PCDH11X: variants seen among roughly 807,000 people sequenced by gnomAD.
PCDH11X encodes protocadherin-11 X-linked.
A neutral mutation model predicts 53.3 loss-of-function variants in PCDH11X; 18 were observed. The observed-to-expected ratio is 0.34, with a 90% confidence interval of 0.23 to 0.50. The LOEUF (loss-of-function observed/expected upper bound fraction) is 0.50, where lower values mean the gene tolerates loss of function less well. Ranked by LOEUF, PCDH11X falls within the 20% of genes least tolerant of loss-of-function variation. PCDH11X has a pLI of 0.98. For synonymous variants in PCDH11X, 279 were observed against 393.3 expected (o/e 0.71, Z 3.44); for missense variants, 570 against 1,032.4 (o/e 0.55, Z 6.14).
chrX:92,024,282 A>C (rs2062933431), intron 6 of PCDH11X, among the ~76,000 whole-genome samples: 1 of 111,026 alleles, frequency 9.0e-6, no homozygotes, highest in African/African-American at 3.3e-5. Context: ...CTCAGCCCAA[A>C]AACTACTTAA....
intron 10 of PCDH11X, among the ~76,000 whole-genome samples, chrX:92,540,444 G>A (rs1308317732): frequency 9.4e-6 from 1 of 106,592 alleles, no homozygotes; most frequent in African/African-American, 3.5e-5. Flanking sequence ...ACTATGACAC[G>A]CCTTTCAAGG....
chrX:92,304,098 G>A (rs2068777411), intron 8 of PCDH11X, among the ~76,000 whole-genome samples: 2 of 106,213 alleles, frequency 1.9e-5, no homozygotes, highest in African/African-American at 6.9e-5. Flanking sequence ...TTTAGGTTAT[G>A]TCTCCCAAGG....
At position 92,088,684 on chromosome X, in the gene PCDH11X, C is replaced by T. The variant is rs768880420; in HGVS notation, c.3034-112691C>T. On this transcript the variant is annotated intron_variant, in intron 6 of 10. Transcript: ENST00000682573. Reference sequence around the variant, plus strand: ...ATAGGGATCTCCCTACTGTAAAGTACGTTTCTTTCTATGGAATGAATATAA... The same window carrying T: ...ATAGGGATCTCCCTACTGTAAAGTATGTTTCTTTCTATGGAATGAATATAA... 3.6e-5 allele frequency among the ~76,000 whole-genome samples: 4 copies of T among 111,738 alleles called. No individual in the cohort carries two copies. The South Asian group carries it at 1.1e-3, about 31-fold the overall frequency.
intron 6 of PCDH11X, among the ~76,000 whole-genome samples, chrX:91,886,948 G>T (rs1940244037): frequency 1.0e-5 from 1 of 96,959 alleles, no homozygotes; most frequent in South Asian, 5.1e-4. Context: ...TCCAGCCTGG[G>T]CGACAGAGCT....
In PCDH11X at chrX:91,835,768, C is replaced by T. The variant is rs769764723; in HGVS notation, c.264C>T (p.Gly88=). Residue 88 remains glycine, a synonymous_variant, in exon 5 of 11, where the codon GGC becomes GGT. Transcript: ENST00000682573. ...EEDTGEIFTT[G]ARIDREKLCA... The stretch of plus-strand genomic sequence containing the variant: ...ATACTGGTGAGATCTTCACTACTGG[C>T]GCTCGCATTGATCGTGAGAAATTAT... The T allele has an allele frequency of 3.9e-5, 47 of 1,209,254 alleles. No individual in the cohort carries two copies. The highest frequency in any genetic ancestry group is 4.8e-5 in the Non-Finnish European group (43 of 895,050).
intron 5 of PCDH11X, among the ~76,000 whole-genome samples, chrX:91,837,990 C>T (rs1569405302): frequency 8.9e-6 from 1 of 111,958 alleles, no homozygotes; most frequent in Non-Finnish European, 1.9e-5. Context: ...TTGGACAATA[C>T]AAATTAATAG....
intron 6 of PCDH11X, among the ~76,000 whole-genome samples, chrX:91,993,791 G>A (rs2062365790): frequency 9.0e-6 from 1 of 111,551 alleles, no homozygotes. Flanking sequence ...GGACCTGTTA[G>A]GGTCTTCTTC....
intron 6 of PCDH11X, among the ~76,000 whole-genome samples, chrX:91,919,324 A>G (rs1202022263): frequency 8.9e-6 from 1 of 111,848 alleles, no homozygotes; most frequent in Non-Finnish European, 1.9e-5. Context: ...TCTATAAATT[A>G]AATTTTAAGT....
chrX:92,468,280 T>C lies in PCDH11X; in HGVS notation c.3344-19T>C, dbSNP rs1569492015. 2 of 1,112,922 alleles carry C rather than the reference T, an allele frequency of 1.8e-6. No homozygotes were observed. Among genetic ancestry groups the C allele is most frequent in the Non-Finnish European group, 2.4e-6 (2 of 831,620 alleles). The allele number at this position is 1,112,922 out of a possible 1,213,427, so 91.7% of individuals were successfully genotyped here. On this transcript the variant is annotated intron_variant, in intron 9 of 10. Transcript: ENST00000682573. ...AGAAAATATTTATTGTGTTTAACTT[T>C]ATTAAAATTTCTTTTTAGCTTTCAT...
chrX:92,498,908 TAATATTA>T (rs1368659386), intron 10 of PCDH11X, among the ~76,000 whole-genome samples: 4 of 54,331 alleles, frequency 7.4e-5, no homozygotes, highest in Non-Finnish European at 1.7e-4. Context: ...CAGTATATTA[TAATATTA>T]TAATATTATA....
intron 7 of PCDH11X, among the ~76,000 whole-genome samples, chrX:92,205,053 GAC>G (rs1042773043): frequency 7.2e-5 from 8 of 111,564 alleles, no homozygotes; most frequent in African/African-American, 2.3e-4. Context: ...GTTGGGTAGG[GAC>G]ACAGAGTCAA....
At chrX:92,188,813 G>A (rs1333081463) in intron 6 of PCDH11X, among the ~76,000 whole-genome samples, 1 of 111,374 alleles carries the variant, frequency 9.0e-6, no homozygotes, top group Non-Finnish European at 1.9e-5. Flanking sequence ...TGATCCCAAA[G>A]GCATTGATTT....
chrX:92,121,090 A>T (rs1415119404), intron 6 of PCDH11X, among the ~76,000 whole-genome samples: 6 of 111,438 alleles, frequency 5.4e-5, no homozygotes, highest in Non-Finnish European at 1.1e-4. Context: ...TGTATTTTTA[A>T]ATTTTAGTAG....
chrX:92,348,277 A>G (rs2069951112), intron 8 of PCDH11X, among the ~76,000 whole-genome samples: 1 of 111,032 alleles, frequency 9.0e-6, no homozygotes, highest in Non-Finnish European at 1.9e-5. Context: ...ATCAAAATGA[A>G]ACAAAAACAA....
intron 10 of PCDH11X, among the ~76,000 whole-genome samples, chrX:92,506,625 TCA>T (rs1006651476): frequency 6.3e-5 from 6 of 95,797 alleles, no homozygotes; most frequent in African/African-American, 2.2e-4. Context: ...GCTAATGGAT[TCA>T]GTTTGCTAGT....
At chrX:92,608,830 A>G (rs1368790075) in intron 10 of PCDH11X, among the ~76,000 whole-genome samples, 1 of 111,026 alleles carries the variant, frequency 9.0e-6, no homozygotes, top group African/African-American at 3.3e-5. Context: ...ACAATCATGT[A>G]TCTATCACCA....
chrX:92,001,790 G>A (rs948923860), intron 6 of PCDH11X, among the ~76,000 whole-genome samples: 1 of 111,114 alleles, frequency 9.0e-6, no homozygotes, highest in Non-Finnish European at 1.9e-5. Context: ...TTTATATGTT[G>A]TGATTATTAA....
chrX:92,275,146 C>G, intron 8 of PCDH11X, among the ~76,000 whole-genome samples: 1 of 102,791 alleles, frequency 9.7e-6, no homozygotes, highest in Admixed American at 1.1e-4. Context: ...AAAGCAGTGG[C>G]AGCCTCTGCA....
At chrX:92,238,070 G>T (rs375786503) in intron 7 of PCDH11X, among the ~76,000 whole-genome samples, 2 of 111,387 alleles carry the variant, frequency 1.8e-5, no homozygotes, top group Non-Finnish European at 1.9e-5. Flanking sequence ...TAAATTTTCC[G>T]CATCTTTGAA....
Sources: allele counts gnomAD v4.1 joint callset (sites outside exome capture counted in the v4.1 genomes callset), GRCh38; gene constraint gnomAD v4.1.1; transcripts MANE v1.5; gene names NCBI Gene and HGNC (gene_info 2026-07-23, HGNC 2026-07-21).